SPACA3: variants seen among roughly 807,000 people sequenced by gnomAD.
SPACA3 encodes sperm acrosome associated 3.
SPACA3 carries 21 observed loss-of-function variants against 24.5 expected under a neutral mutation model. The ratio of observed to expected loss-of-function variants is 0.86; its 90% CI spans 0.61 to 1.24. The LOEUF (loss-of-function observed/expected upper bound fraction) is 1.24. Ranked by LOEUF, SPACA3 falls within the 50% of genes most tolerant of loss-of-function variation. SPACA3 has a pLI of 0.00. For missense variants in SPACA3, 278 were observed against 275.5 expected (o/e 1.01, Z -0.06); for synonymous variants, 115 against 106.9 (o/e 1.08, Z -0.47).
At chr17:32,992,405 G>A (rs546213493) in intron 1 of SPACA3, among the ~76,000 whole-genome samples, 1 of 152,256 alleles carries the variant, frequency 6.6e-6, no homozygotes, top group South Asian at 2.1e-4. Context: ...TCCCCTCGCG[G>A]TGAGAAGAAG....
intron 1 of SPACA3, chr17:32,992,947 A>G (rs952563104): frequency 4.2e-6 from 2 of 470,854 alleles, no homozygotes; most frequent in African/African-American, 4.0e-5. Context: ...TGTATAGAAT[A>G]GCTTGGAAGA....
chr17:32,995,735 T>C lies in SPACA3; in HGVS notation c.343+18T>C. On this transcript the variant is annotated intron_variant, in intron 2 of 4. Transcript: ENST00000269053. ...GGCTGACTGTGAGAACCCCTCTCCC[T>C]GGCGGGCCCTGACTTCCCCACACCT... 1 of 1,603,306 alleles carries C rather than the reference T, an allele frequency of 6.2e-7. No homozygotes were observed. Among genetic ancestry groups the C allele is most frequent in the Non-Finnish European group, 8.5e-7 (1 of 1,172,586 alleles).
chr17:32,993,784 T>A (rs376434205), intron 1 of SPACA3, among the ~76,000 whole-genome samples: 3 of 151,764 alleles, frequency 2.0e-5, no homozygotes, highest in African/African-American at 7.3e-5. Context: ...ATTTAGAAGA[T>A]GGAGACTGAG....
At chr17:32,993,772 G>T (rs192620523) in intron 1 of SPACA3, among the ~76,000 whole-genome samples, 1 of 152,140 alleles carries the variant, frequency 6.6e-6, no homozygotes, top group African/African-American at 2.4e-5. Flanking sequence ...TTGAGGGAAG[G>T]CATTTAGAAG....
intron 2 of SPACA3, among the ~76,000 whole-genome samples, chr17:32,996,071 C>T (rs1269533011): frequency 5.3e-5 from 8 of 152,248 alleles, no homozygotes; most frequent in Admixed American, 2.6e-4. Flanking sequence ...CCAAACTTTT[C>T]AAGCTGGTGG....
intron 1 of SPACA3, among the ~76,000 whole-genome samples, chr17:32,994,875 T>A (rs972856831): frequency 6.6e-6 from 1 of 152,130 alleles, no homozygotes. Context: ...GGAGAAGGGC[T>A]TTTTGCAGGT....
At position 32,993,850 on chromosome 17, in the gene SPACA3, G is replaced by A. The variant is rs541348480; in HGVS notation, c.35-1559G>A. Reference sequence around the variant, plus strand: ...AGGAGGGGAACGGTGCTAGCGCGCCGGGAGAGGAGGGACAACGGATGGAGC... The same window carrying A: ...AGGAGGGGAACGGTGCTAGCGCGCCAGGAGAGGAGGGACAACGGATGGAGC... On this transcript the variant is annotated intron_variant, in intron 1 of 4. Coordinates refer to ENST00000269053, the MANE Select transcript of SPACA3 (RefSeq NM_173847.5). Among the ~76,000 whole-genome samples the A allele has an allele frequency of 6.6e-5, 10 of 152,138 alleles. No homozygotes were observed. In the South Asian group the frequency reaches 8.3e-4, roughly 13 times the overall value.
At chr17:32,994,847 G>C (rs1364683696) in intron 1 of SPACA3, among the ~76,000 whole-genome samples, 2 of 152,336 alleles carry the variant, frequency 1.3e-5, no homozygotes, top group East Asian at 3.9e-4. Flanking sequence ...AAACCAGACG[G>C]GCAGGCTGGG....
intron 1 of SPACA3, 129 bp downstream of exon 1, chr17:32,992,101 TGAGAGAGGAGA>T: frequency 1.1e-6 from 1 of 877,760 alleles, no homozygotes; most frequent in Non-Finnish European, 1.7e-6. Context: ...AGTGACCAGC[TGAGAGAGGAGA>T]GAGAGAGAGA....
rs1348008045 is a variant in SPACA3 at position 32,993,061 on chromosome 17, T to C, written c.34+1089T>C. 13 of 411,864 alleles carry C rather than the reference T, an allele frequency of 3.2e-5. No homozygotes were observed. In the Admixed American group the frequency reaches 3.4e-4, roughly 11 times the overall value. The allele number at this position is 411,864 out of a possible 1,614,324, so 25.5% of individuals were successfully genotyped here. A position where few individuals can be genotyped will look rare whatever the true frequency, so the allele number is the denominator to read the frequency against. On this transcript the variant is annotated intron_variant, in intron 1 of 4. Coordinates refer to ENST00000269053, the MANE Select transcript of SPACA3 (RefSeq NM_173847.5). Reference sequence around the variant, plus strand: ...GAGGGAAGGTGGAATCCACAGGACATTGGGACTGATTGGTTGGAACTGGGT... The same window carrying C: ...GAGGGAAGGTGGAATCCACAGGACACTGGGACTGATTGGTTGGAACTGGGT...
rs148594865 is a variant in SPACA3 at position 32,992,680 on chromosome 17, A to G, written c.34+708A>G. Reference sequence around the variant, plus strand: ...ACTCTCACTGGGGAACACACCTCTGATAAGACCCTTCAAGTATGAGTCAGA... The same window carrying G: ...ACTCTCACTGGGGAACACACCTCTGGTAAGACCCTTCAAGTATGAGTCAGA... On this transcript the variant is annotated intron_variant, in intron 1 of 4. Coordinates refer to ENST00000269053, the MANE Select transcript of SPACA3 (RefSeq NM_173847.5). Among the ~76,000 whole-genome samples, 1,204 of 152,312 alleles carry G rather than the reference A, an allele frequency of 7.9e-3. 9 individuals carry two copies. Among genetic ancestry groups the G allele is most frequent in the Middle Eastern group, 0.041 (12 of 294 alleles).
At chr17:32,997,041 C>T in intron 3 of SPACA3, 40 bp downstream of exon 3, 2 of 1,473,988 alleles carry the variant, frequency 1.4e-6, no homozygotes, top group South Asian at 3.0e-5. Flanking sequence ...GAGTCAGGCC[C>T]TGCATTAGCT....
At chr17:32,993,571 T>C (rs1455169245) in intron 1 of SPACA3, among the ~76,000 whole-genome samples, 1 of 152,086 alleles carries the variant, frequency 6.6e-6, no homozygotes. Flanking sequence ...TGAGTACAGC[T>C]GAGAGCTCCC....
intron 2 of SPACA3, 107 bp from the exon 3 acceptor site, chr17:32,996,736 A>T: frequency 1.6e-6 from 2 of 1,256,626 alleles, no homozygotes; most frequent in Non-Finnish European, 2.1e-6. Context: ...CACCTTGATC[A>T]GGCAGGAGAG....
chr17:32,996,933 T>C lies in SPACA3; in HGVS notation c.434T>C (p.Ile145Thr), dbSNP rs1457442151. 13 of 1,608,046 alleles carry C rather than the reference T, an allele frequency of 8.1e-6. No individual in the cohort carries two copies. The highest frequency in any genetic ancestry group is 6.7e-5 in the East Asian group (3 of 44,466). Residue 145 changes from isoleucine (I) to threonine (T), a missense_variant, in exon 3 of 5, where the codon ATC becomes ACC. Ile to Thr is a moderately conservative substitution (Grantham distance 89). Coordinates refer to ENST00000269053, the MANE Select transcript of SPACA3 (RefSeq NM_173847.5). ...DGSTNNGIFQ[I>T]NSRRWCSNLT... Reference sequence around the variant, plus strand: ...AGCACCAACAACGGGATCTTCCAGATCAACAGCCGGAGGTGGTGCAGCAAC... The same window carrying C: ...AGCACCAACAACGGGATCTTCCAGACCAACAGCCGGAGGTGGTGCAGCAAC...
chr17:32,997,856 A>T lies in SPACA3; in HGVS notation c.*78A>T. 6.8e-7 allele frequency: 1 copy of T among 1,467,336 alleles called. No homozygotes were observed. The highest frequency in any genetic ancestry group is 9.5e-7 in the Non-Finnish European group (1 of 1,047,430). The allele number at this position is 1,467,336 out of a possible 1,614,324, so 90.9% of individuals were successfully genotyped here. A position where few individuals can be genotyped will look rare whatever the true frequency, so the allele number is the denominator to read the frequency against. On this transcript the variant is annotated 3_prime_UTR_variant, in exon 5 of 5. Transcript: ENST00000269053. Reference sequence around the variant, plus strand: ...TAGGCTTGGGAAGACAAGCCAGCGAATAAAGGATGGTTGAACGTGAATATG... The same window carrying T: ...TAGGCTTGGGAAGACAAGCCAGCGATTAAAGGATGGTTGAACGTGAATATG...
intron 1 of SPACA3, among the ~76,000 whole-genome samples, chr17:32,995,160 C>T (rs1014741681): frequency 6.6e-6 from 1 of 152,198 alleles, no homozygotes; most frequent in Non-Finnish European, 1.5e-5. Context: ...TTGTCTCCAT[C>T]CAAACTTCGC....
intron 1 of SPACA3, chr17:32,992,746 A>C (rs28906): frequency 5.1e-6 from 2 of 391,924 alleles, no homozygotes; most frequent in South Asian, 2.0e-5. Context: ...ATGTTCTAGA[A>C]AGCAAGGTCA....
At chr17:32,992,186 C>CAAAA (rs10591674) in intron 1 of SPACA3, among the ~76,000 whole-genome samples, 18 of 113,486 alleles carry the variant, frequency 1.6e-4, no homozygotes, top group Non-Finnish European at 1.8e-4. Context: ...CACTTTTCTA[C>CAAAA]AAAAAAAAAA....
Sources: gnomAD v4.1 joint callset for allele counts (sites outside exome capture counted in the v4.1 genomes callset) on GRCh38, gnomAD v4.1.1 for gene constraint, MANE v1.5 for transcripts, NCBI Gene and HGNC (gene_info 2026-07-23, HGNC 2026-07-21) for gene names.